Variants in PPP1R14D observed in about 807,000 individuals in gnomAD.
PPP1R14D encodes protein phosphatase 1 regulatory subunit 14D.
In PPP1R14D, 14 loss-of-function variants were observed where a neutral mutation model predicts 17.1. That is an observed-to-expected ratio of 0.82 (90% CI 0.54 to 1.28). PPP1R14D has a LOEUF of 1.28. Among genes scored for constraint, PPP1R14D ranks in the 50% most tolerant of loss-of-function variants. The pLI is 0.00. For synonymous variants in PPP1R14D, 67 were observed against 66.1 expected, an observed-to-expected ratio of 1.01 and a Z score of -0.06; for missense variants, 173 against 179.2, an observed-to-expected ratio of 0.97 and a Z score of 0.20.
chr15:40,820,832 G>C (rs1890762927), intron 1 of PPP1R14D, among the ~76,000 whole-genome samples: 2 of 151,478 alleles, frequency 1.3e-5, no homozygotes, highest in African/African-American at 4.9e-5. Context: ...CTGCCCTCCA[G>C]CCAGGGTGAC....
intron 1 of PPP1R14D, among the ~76,000 whole-genome samples, chr15:40,824,488 A>T (rs1890838132): frequency 6.6e-6 from 1 of 151,744 alleles, no homozygotes; most frequent in African/African-American, 2.4e-5. Flanking sequence ...CTCCCTCCTC[A>T]GCCTCCCAAG....
At position 40,816,352 on chromosome 15, in the gene PPP1R14D, T is replaced by C. The variant is rs1890664086; in HGVS notation, c.256-99A>G. On this transcript the variant is annotated intron_variant, in intron 1 of 3. Coordinates refer to ENST00000299174, the MANE Select transcript of PPP1R14D (RefSeq NM_017726.8). The stretch of plus-strand genomic sequence containing the variant: ...CAACCCACCTCTCTCCAATTTCCCA[T>C]GGTTAGACTTTCTCCTCACTCAGAA... 6 of 935,262 alleles carry C rather than the reference T, an allele frequency of 6.4e-6. No individual in the cohort carries two copies. The South Asian group carries it at 8.1e-5, about 13-fold the overall frequency. The allele number at this position is 935,262 out of a possible 1,614,324, so 57.9% of individuals were successfully genotyped here. A position where few individuals can be genotyped will look rare whatever the true frequency, so the allele number is the denominator to read the frequency against.
chr15:40,822,874 C>T (rs879314270), intron 1 of PPP1R14D, among the ~76,000 whole-genome samples: 4 of 151,978 alleles, frequency 2.6e-5, no homozygotes, highest in Non-Finnish European at 4.4e-5. Flanking sequence ...TCATGGCTCA[C>T]TGCAGCCTCA....
At chr15:40,822,520 C>T (rs990646170) in intron 1 of PPP1R14D, among the ~76,000 whole-genome samples, 2 of 151,478 alleles carry the variant, frequency 1.3e-5, no homozygotes, top group Non-Finnish European at 1.5e-5. Context: ...ATGGCATGAT[C>T]TCAGCTCACT....
chr15:40,816,622 A>G (rs1350643137), intron 1 of PPP1R14D, among the ~76,000 whole-genome samples: 2 of 152,010 alleles, frequency 1.3e-5, no homozygotes, highest in African/African-American at 4.8e-5. Context: ...CTGAGGCAGG[A>G]GAATCACTTG....
intron 1 of PPP1R14D, chr15:40,817,271 C>A: frequency 3.4e-6 from 1 of 295,326 alleles, no homozygotes; most frequent in Non-Finnish European, 7.4e-6. Context: ...GCAGGAGAAT[C>A]GATTGAACCC....
chr15:40,818,955 G>A (rs1004616504), intron 1 of PPP1R14D, among the ~76,000 whole-genome samples: 2 of 152,022 alleles, frequency 1.3e-5, no homozygotes, highest in African/African-American at 4.8e-5. Flanking sequence ...CATATGTGGC[G>A]GCAGGGAGAT....
At position 40,815,678 on chromosome 15, in the gene PPP1R14D, A is replaced by G. The variant is rs1444768164; in HGVS notation, c.*18T>C. The G allele has an allele frequency of 6.2e-7, 1 of 1,613,494 alleles. No homozygotes were observed. The highest frequency in any genetic ancestry group is 1.1e-5 in the South Asian group (1 of 90,970). ...CAGGCCTGGCAGTGCTGAGGCTGCT[A>G]AAGATGGTCTCTCAGGCTTATTTCT... On this transcript the variant is annotated 3_prime_UTR_variant, in exon 4 of 4. Coordinates refer to ENST00000299174, the MANE Select transcript of PPP1R14D (RefSeq NM_017726.8).
chr15:40,826,188 C>A (rs1890865743), intron 1 of PPP1R14D, among the ~76,000 whole-genome samples: 1 of 152,106 alleles, frequency 6.6e-6, no homozygotes, highest in Non-Finnish European at 1.5e-5. Flanking sequence ...GCTTGGGATG[C>A]TGCATCTTTG....
chr15:40,822,885 A>G lies in PPP1R14D; in HGVS notation c.255+5502T>C, dbSNP rs928762535. On this transcript the variant is annotated intron_variant, in intron 1 of 3. Transcript: ENST00000299174. ...ACAATCATGGCTCACTGCAGCCTCA[A>G]CCTCCCGGGCTCAAGCAATCCTCCT... Among the ~76,000 whole-genome samples, 16 of 148,654 alleles carry G rather than the reference A, an allele frequency of 1.1e-4. No homozygotes were observed. In the East Asian group the frequency reaches 1.2e-3, roughly 11 times the overall value.
rs1485579674 is a variant in PPP1R14D at position 40,816,158 on chromosome 15, C to T, written c.339+12G>A. Reference sequence around the variant, plus strand: ...CCACTGACCCAAGGCCAGCTTCTAGCCCCCATCCTACCTCCAGCTGAGTCT... The same window carrying T: ...CCACTGACCCAAGGCCAGCTTCTAGTCCCCATCCTACCTCCAGCTGAGTCT... On this transcript the variant is annotated intron_variant, in intron 2 of 3. Coordinates refer to ENST00000299174, the MANE Select transcript of PPP1R14D (RefSeq NM_017726.8). 6.2e-7 allele frequency: 1 copy of T among 1,613,588 alleles called. No individual in the cohort carries two copies. Among genetic ancestry groups the T allele is most frequent in the Admixed American group, 1.7e-5 (1 of 60,014 alleles).
At chr15:40,820,046 A>G (rs1890746446) in intron 1 of PPP1R14D, among the ~76,000 whole-genome samples, 1 of 148,790 alleles carries the variant, frequency 6.7e-6, no homozygotes, top group Non-Finnish European at 1.5e-5. Context: ...TTGTATTTTT[A>G]GTAGAGATGG....
At chr15:40,824,524 C>A (rs1460194593) in intron 1 of PPP1R14D, among the ~76,000 whole-genome samples, 1 of 152,060 alleles carries the variant, frequency 6.6e-6, no homozygotes, top group Non-Finnish European at 1.5e-5. Flanking sequence ...GCACGCACCA[C>A]CACACCCTGC....
intron 1 of PPP1R14D, among the ~76,000 whole-genome samples, chr15:40,819,308 G>A (rs531779684): frequency 2.0e-5 from 3 of 152,236 alleles, no homozygotes; most frequent in South Asian, 4.1e-4. Context: ...GGCCAGGCGC[G>A]AGGCTGAGGC....
intron 1 of PPP1R14D, among the ~76,000 whole-genome samples, chr15:40,825,804 T>C (rs1890860486): frequency 1.3e-5 from 2 of 152,332 alleles, no homozygotes; most frequent in South Asian, 4.1e-4. Context: ...CTGGCACCTT[T>C]GGACAATTAC....
At chr15:40,825,144 G>A (rs1420212503) in intron 1 of PPP1R14D, among the ~76,000 whole-genome samples, 1 of 152,012 alleles carries the variant, frequency 6.6e-6, no homozygotes, top group Non-Finnish European at 1.5e-5. Context: ...AATTAGCCAG[G>A]TGTGGTGGTC....
chr15:40,824,745 A>G (rs1301155345), intron 1 of PPP1R14D, among the ~76,000 whole-genome samples: 1 of 152,160 alleles, frequency 6.6e-6, no homozygotes, highest in Non-Finnish European at 1.5e-5. Flanking sequence ...TCACTATATC[A>G]AAAAGGAAGC....
chr15:40,819,471 C>T (rs1365514537), intron 1 of PPP1R14D, among the ~76,000 whole-genome samples: 1 of 151,224 alleles, frequency 6.6e-6, no homozygotes, highest in Non-Finnish European at 1.5e-5. Context: ...ATGGCTTGAA[C>T]TCGGGAAGTG....
At chr15:40,823,377 G>A (rs932468789) in intron 1 of PPP1R14D, among the ~76,000 whole-genome samples, 1 of 152,050 alleles carries the variant, frequency 6.6e-6, no homozygotes, top group Non-Finnish European at 1.5e-5. Flanking sequence ...CAAGTGCTGG[G>A]ATTACAGTTA....
Sources: gnomAD v4.1 joint callset for allele counts (sites outside exome capture counted in the v4.1 genomes callset) on GRCh38, gnomAD v4.1.1 for gene constraint, MANE v1.5 for transcripts, NCBI Gene and HGNC (gene_info 2026-07-23, HGNC 2026-07-21) for gene names.